ACTR10: variants seen among roughly 807,000 people sequenced by gnomAD.
ACTR10 encodes the protein actin-related protein 10.
A neutral mutation model predicts 56.2 loss-of-function variants in ACTR10; 43 were observed. That is an observed-to-expected ratio of 0.77 (90% CI 0.60 to 0.99). ACTR10 has a LOEUF of 0.99. Ranked by LOEUF, ACTR10 falls within the 50% of genes least tolerant of loss-of-function variation. The probability of loss-of-function intolerance (pLI) is 0.00; values close to 1 mark genes in which losing one functional copy is unlikely to be tolerated. For missense variants in ACTR10, 466 were observed against 507.8 expected, an observed-to-expected ratio of 0.92 and a Z score of 0.79; for synonymous variants, 170 against 176.3, an observed-to-expected ratio of 0.96 and a Z score of 0.28.
intron 10 of ACTR10, among the ~76,000 whole-genome samples, chr14:58,230,163 T>G (rs1351960810): frequency 6.6e-6 from 1 of 152,208 alleles, no homozygotes; most frequent in Non-Finnish European, 1.5e-5. Flanking sequence ...AGGGAATGCC[T>G]CCTATGTGCC....
intron 2 of ACTR10, among the ~76,000 whole-genome samples, chr14:58,205,327 T>G (rs1888830680): frequency 6.6e-6 from 1 of 150,430 alleles, no homozygotes; most frequent in Non-Finnish European, 1.5e-5. Flanking sequence ...TTTTTTTTTT[T>G]TTTTTGAGGC....
At chr14:58,213,831 G>A in intron 6 of ACTR10, 133 bp downstream of exon 6, 1 of 611,098 alleles carries the variant, frequency 1.6e-6, no homozygotes, top group South Asian at 2.7e-5. Context: ...CCCTCTATTA[G>A]CTTCGAGTAT....
At chr14:58,219,037 C>T (rs1019547684) in intron 7 of ACTR10, among the ~76,000 whole-genome samples, 4 of 152,152 alleles carry the variant, frequency 2.6e-5, no homozygotes, top group Non-Finnish European at 5.9e-5. Context: ...TCAGGCTGGT[C>T]TTGAACTCCC....
At chr14:58,227,973 A>G (rs962793109) in intron 10 of ACTR10, among the ~76,000 whole-genome samples, 3 of 152,270 alleles carry the variant, frequency 2.0e-5, no homozygotes, top group Non-Finnish European at 1.5e-5. Context: ...GCAGTGGCTC[A>G]CACCTGTAAT....
chr14:58,205,921 C>T (rs1888848838), intron 2 of ACTR10, among the ~76,000 whole-genome samples: 1 of 151,680 alleles, frequency 6.6e-6, no homozygotes, highest in South Asian at 2.1e-4. Flanking sequence ...ACTCGGGAGG[C>T]TGAGGCAGGA....
At chr14:58,224,862 G>A (rs1889361728) in intron 10 of ACTR10, among the ~76,000 whole-genome samples, 1 of 152,028 alleles carries the variant, frequency 6.6e-6, no homozygotes, top group South Asian at 2.1e-4. Flanking sequence ...GGTAGCACAT[G>A]CCCGTAATCC....
intron 10 of ACTR10, among the ~76,000 whole-genome samples, chr14:58,227,115 G>A (rs932758513): frequency 3.0e-4 from 46 of 151,470 alleles, no homozygotes; most frequent in Non-Finnish European, 1.5e-4. Flanking sequence ...TGCTTATAGA[G>A]TGCTGACTTA....
chr14:58,206,030 CGG>C (rs779371226), intron 2 of ACTR10, among the ~76,000 whole-genome samples: 11 of 150,844 alleles, frequency 7.3e-5, no homozygotes, highest in Middle Eastern at 3.4e-3. Flanking sequence ...TCAAAAAAAA[CGG>C]GGGCGGGGGA....
At chr14:58,232,735 A>T (rs1264742527) in intron 12 of ACTR10, among the ~76,000 whole-genome samples, 1 of 151,766 alleles carries the variant, frequency 6.6e-6, no homozygotes, top group African/African-American at 2.4e-5. Context: ...AAATTGTATT[A>T]ATTTTCAGAA....
chr14:58,220,379 G>GTC (rs1476575005), intron 8 of ACTR10, among the ~76,000 whole-genome samples: 5 of 152,040 alleles, frequency 3.3e-5, no homozygotes, highest in Non-Finnish European at 7.4e-5. Context: ...TTTGTCCAGT[G>GTC]TCACACAAGT....
chr14:58,222,735 A>G (rs538081639), intron 8 of ACTR10, among the ~76,000 whole-genome samples: 48 of 140,482 alleles, frequency 3.4e-4, no homozygotes, highest in South Asian at 1.6e-3. Flanking sequence ...ACTGCACTCC[A>G]GTCTGGGCAA....
At chr14:58,209,334 C>A (rs559406554) in intron 4 of ACTR10, 2 of 266,946 alleles carry the variant, frequency 7.5e-6, no homozygotes, top group Admixed American at 5.2e-5. Flanking sequence ...TATTTTCTTC[C>A]TTTGTGTGGT....
At chr14:58,214,553 T>C (rs1889085464) in intron 6 of ACTR10, among the ~76,000 whole-genome samples, 1 of 151,732 alleles carries the variant, frequency 6.6e-6, no homozygotes. Context: ...TGCAGAGGCA[T>C]GATCTCGGCT....
In ACTR10 at chr14:58,200,295, G is replaced by T; in HGVS notation, c.77+1G>T. The T allele has an allele frequency of 6.7e-7, 1 of 1,502,640 alleles. No homozygotes were observed. Among genetic ancestry groups the T allele is most frequent in the Non-Finnish European group, 8.9e-7 (1 of 1,129,352 alleles). 93.1% of individuals were successfully genotyped at this position (1,502,640 alleles called of 1,614,324 possible). The stretch of plus-strand genomic sequence containing the variant: ...TCGACCTGGGAGAGGCCTTTACCAA[G>T]TGAGTGGCCGTGACGCCAGCTGTGT... On this transcript the variant is annotated splice_donor_variant, in intron 1 of 12. Coordinates refer to ENST00000254286, the MANE Select transcript of ACTR10 (RefSeq NM_018477.3). LOFTEE classifies it high-confidence loss of function.
intron 8 of ACTR10, among the ~76,000 whole-genome samples, chr14:58,221,722 CA>C (rs1435094056): frequency 6.6e-6 from 1 of 152,080 alleles, no homozygotes; most frequent in African/African-American, 2.4e-5. Context: ...GCGTGGATGA[CA>C]GAGTGAAACT....
At chr14:58,202,967 A>G in intron 2 of ACTR10, 40 bp downstream of exon 2, 1 of 1,325,550 alleles carries the variant, frequency 7.5e-7, no homozygotes, top group Non-Finnish European at 1.1e-6. Context: ...ATGCCATACT[A>G]TAAAATGTTT....
At chr14:58,223,232 G>C (rs1286359732) in intron 8 of ACTR10, among the ~76,000 whole-genome samples, 1 of 152,138 alleles carries the variant, frequency 6.6e-6, no homozygotes, top group Non-Finnish European at 1.5e-5. Context: ...CACCTCCCGG[G>C]TTCAAGCAAT....
At chr14:58,216,274 G>A (rs1293590754) in intron 7 of ACTR10, among the ~76,000 whole-genome samples, 4 of 152,086 alleles carry the variant, frequency 2.6e-5, no homozygotes, top group Non-Finnish European at 5.9e-5. Flanking sequence ...ACAGGCGCAA[G>A]CCACCACACC....
At chr14:58,214,207 A>G (rs1022350401) in intron 6 of ACTR10, among the ~76,000 whole-genome samples, 3 of 151,968 alleles carry the variant, frequency 2.0e-5, no homozygotes, top group South Asian at 2.1e-4. Flanking sequence ...TCTACTCTCT[A>G]TGTCCATGAG....
Sources: gnomAD v4.1 joint callset for allele counts (sites outside exome capture counted in the v4.1 genomes callset) on GRCh38, gnomAD v4.1.1 for gene constraint, MANE v1.5 for transcripts, NCBI Gene and HGNC (gene_info 2026-07-23, HGNC 2026-07-21) for gene names.